ZNF875: variants seen among roughly 807,000 people sequenced by gnomAD.
ZNF875 encodes the protein zinc finger protein 875.
A neutral mutation model predicts 11.2 loss-of-function variants in ZNF875; 14 were observed. The ratio of observed to expected loss-of-function variants is 1.26; its 90% CI spans 0.83 to 1.96. The LOEUF (loss-of-function observed/expected upper bound fraction) is 1.96. Among genes scored for constraint, ZNF875 ranks in the 30% most tolerant of loss-of-function variants. The pLI is 0.00. For synonymous variants in ZNF875, 301 were observed against 281.1 expected (o/e 1.07, Z -0.71); for missense variants, 752 against 760.4 (o/e 0.99, Z 0.13).
chr19:37,335,184 CTT>C lies in ZNF875; in HGVS notation c.-39_-38del. On this transcript the variant is annotated 5_prime_UTR_variant, in exon 2 of 5. Coordinates refer to ENST00000392153, the MANE Select transcript of ZNF875 (RefSeq NM_001353803.2). ...ACATCCCCAGATCTGTCTTCTGAGA[CTT>C]TGCCCTTCTCCAGGAAGAGCACTCA... 1 of 702,270 alleles carries C rather than the reference CTT, an allele frequency of 1.4e-6. No homozygotes were observed. The highest frequency in any genetic ancestry group is 2.6e-6 in the Non-Finnish European group (1 of 384,530). The allele number at this position is 702,270 out of a possible 1,614,324, so 43.5% of individuals were successfully genotyped here.
upstream of ZNF875, among the ~76,000 whole-genome samples, chr19:37,331,679 A>C (rs1236168331): frequency 6.7e-6 from 1 of 148,388 alleles, no homozygotes. Context: ...GGGACACAAA[A>C]ACTGCAGAAG....
At position 37,324,267 on chromosome 19, in the gene ZNF875, T is replaced by G; in HGVS notation, c.-603+2T>G. 1 of 152,224 alleles carries G rather than the reference T, an allele frequency of 6.6e-6. No individual in the cohort carries two copies. The highest frequency in any genetic ancestry group is 1.5e-5 in the Non-Finnish European group (1 of 68,050). 9.4% of individuals were successfully genotyped at this position (152,224 alleles called of 1,614,324 possible). Reference sequence around the variant, plus strand: ...TGAAGACCAGAGGAAACACAGCAAGTAGGCCCTTTAAACCACTCACCTGTG... The same window carrying G: ...TGAAGACCAGAGGAAACACAGCAAGGAGGCCCTTTAAACCACTCACCTGTG... On this transcript the variant is annotated splice_donor_variant, in intron 4 of 5. Transcript: ENST00000544914. LOFTEE classifies it low-confidence loss of function (5UTR_SPLICE).
In ZNF875 at chr19:37,362,635, C is replaced by T. The variant is rs1208079824; in HGVS notation, c.783C>T (p.Asp261=). 1 of 1,613,116 alleles carries T rather than the reference C, an allele frequency of 6.2e-7. No individual in the cohort carries two copies. Among genetic ancestry groups the T allele is most frequent in the East Asian group, 2.2e-5 (1 of 44,872 alleles). The stretch of plus-strand genomic sequence containing the variant: ...CTTACATGTACACTGAGTGGGGAGA[C>T]AGCTTTGGCAGTATGTCAGTCCTCA... ...ETPYMYTEWG[D]SFGSMSVLIK... Residue 261 remains aspartate (D), a synonymous_variant, in exon 5 of 5, where the codon GAC becomes GAT. Coordinates refer to ENST00000392153, the MANE Select transcript of ZNF875 (RefSeq NM_001353803.2).
intron 4 of ZNF875, chr19:37,361,872 G>A (rs1006106858): frequency 2.0e-5 from 9 of 458,314 alleles, no homozygotes; most frequent in South Asian, 1.7e-4. Context: ...AGCTGAGATC[G>A]CACCACTGCA....
At chr19:37,319,996 C>T (rs895066816) in intron 1 of ZNF875, among the ~76,000 whole-genome samples, 24 of 152,198 alleles carry the variant, frequency 1.6e-4, no homozygotes, top group Non-Finnish European at 8.8e-5. Context: ...ACGCCATTCT[C>T]CTGCCTCAGC....
At chr19:37,327,331 T>C (rs1315197280) in intron 4 of ZNF875, among the ~76,000 whole-genome samples, 2 of 152,302 alleles carry the variant, frequency 1.3e-5, no homozygotes, top group African/African-American at 2.4e-5. Context: ...GAGCCCCTTA[T>C]GTTTCTACTT....
At chr19:37,361,109 C>CTTT (rs772368148) in intron 4 of ZNF875, among the ~76,000 whole-genome samples, 21 of 115,816 alleles carry the variant, frequency 1.8e-4, no homozygotes, top group South Asian at 2.9e-4. Context: ...TTGTCTTCTC[C>CTTT]TTTTTTTTTT....
chr19:37,343,639 A>G (rs2036213846), intron 2 of ZNF875, among the ~76,000 whole-genome samples: 1 of 152,064 alleles, frequency 6.6e-6, no homozygotes, highest in Non-Finnish European at 1.5e-5. Flanking sequence ...TGGTGGTCTC[A>G]AGGTTTCTTG....
In ZNF875 at chr19:37,362,161, T is replaced by G; in HGVS notation, c.309T>G (p.Ser103Arg). The G allele has an allele frequency of 6.2e-7, 1 of 1,614,098 alleles. No homozygotes were observed. Among genetic ancestry groups the G allele is most frequent in the Non-Finnish European group, 8.5e-7 (1 of 1,180,008 alleles). Reference sequence around the variant, plus strand: ...CCTCCTGCCCTCTGATTTTCTCCAGTCAGCAAGCTCTCAGCCAACATGTGT... The same window carrying G: ...CCTCCTGCCCTCTGATTTTCTCCAGGCAGCAAGCTCTCAGCCAACATGTGT... ...LSPSCPLIFS[S>R]QQALSQHVWL... Residue 103 changes from serine (S) to arginine (R), a missense_variant, in exon 5 of 5, where the codon AGT becomes AGG. Physicochemically the swap from Ser to Arg is moderately radical, Grantham distance 110 (BLOSUM62 -1). Transcript: ENST00000392153.
intron 4 of ZNF875, among the ~76,000 whole-genome samples, chr19:37,327,584 A>G (rs2032695567): frequency 2.0e-5 from 3 of 151,644 alleles, no homozygotes; most frequent in Middle Eastern, 6.8e-3. Context: ...CCTGGCCAAC[A>G]TGGCAAAACC....
At chr19:37,329,281 A>G (rs2033018072) in intron 4 of ZNF875, among the ~76,000 whole-genome samples, 1 of 152,064 alleles carries the variant, frequency 6.6e-6, no homozygotes, top group Non-Finnish European at 1.5e-5. Context: ...CAGCTTGGGT[A>G]TCTGGTGAAT....
rs970269763 is a variant in ZNF875 at position 37,364,430 on chromosome 19, C to G, written c.*655C>G. The G allele has an allele frequency of 2.6e-5, 4 of 152,572 alleles. No homozygotes were observed. The highest frequency in any genetic ancestry group is 2.6e-4 in the Admixed American group (4 of 15,290). The allele number at this position is 152,572 out of a possible 1,614,324, so 9.5% of individuals were successfully genotyped here. On this transcript the variant is annotated 3_prime_UTR_variant, in exon 5 of 5. Coordinates refer to ENST00000392153, the MANE Select transcript of ZNF875 (RefSeq NM_001353803.2). ...AGCTGTTCTTTTGCTCAATAAAATT[C>G]TTTTCTACCCATCCTCACCCTTCAA...
chr19:37,318,518 T>G (rs2030531020), intron 1 of ZNF875, among the ~76,000 whole-genome samples: 1 of 150,798 alleles, frequency 6.6e-6, no homozygotes, highest in Non-Finnish European at 1.5e-5. Context: ...AAATCATATT[T>G]GTTTTCTTTT....
intron 4 of ZNF875, 52 bp from the exon 5 acceptor site, chr19:37,362,057 T>C (rs771146877): frequency 8.0e-7 from 1 of 1,256,412 alleles, no homozygotes; most frequent in Non-Finnish European, 1.1e-6. Flanking sequence ...AAGGCAAAAT[T>C]GCCTACACAG....
rs2040115192 is a variant in ZNF875, at chr19:37,362,550, C to G, written c.698C>G (p.Pro233Arg). 3.1e-6 allele frequency: 5 copies of G among 1,614,070 alleles called. No homozygotes were observed. Among genetic ancestry groups the G allele is most frequent in the East Asian group, 2.2e-5 (1 of 44,888 alleles). ...FGEIKYEEFG[P>R]GFIKESNLLS... Reference sequence around the variant, plus strand: ...GAAATCAAATATGAAGAGTTTGGGCCAGGCTTTATCAAGGAGTCAAACCTC... The same window carrying G: ...GAAATCAAATATGAAGAGTTTGGGCGAGGCTTTATCAAGGAGTCAAACCTC... Residue 233 changes from proline to arginine, a missense_variant, in exon 5 of 5, where the codon CCA (proline) becomes CGA (arginine). Pro to Arg is a moderately radical substitution (Grantham distance 103). Transcript: ENST00000392153.
intron 4 of ZNF875, chr19:37,359,292 T>G (rs1168114456): frequency 6.1e-6 from 1 of 162,934 alleles, no homozygotes; most frequent in African/African-American, 2.4e-5. Flanking sequence ...AAAGTTCTCA[T>G]GTGCCCATTT....
At chr19:37,354,245 TCTCCCCTCCCCTCCCCTCCC>T (rs1185951446) in intron 4 of ZNF875, among the ~76,000 whole-genome samples, 5 of 22,030 alleles carry the variant, frequency 2.3e-4, no homozygotes, top group East Asian at 1.6e-3. Context: ...TCTCCCCTCC[TCTCCCCTCCCCTCCCCTCCC>T]CTCCCCTCCC....
chr19:37,334,652 T>A lies in ZNF875; in HGVS notation c.-187T>A. On this transcript the variant is annotated 5_prime_UTR_variant, in exon 1 of 5. Transcript: ENST00000392153. ...GTGTAGCGTTGACGTCAGAAACACT[T>A]CCGGTCGGTGGCCCAGGCGCGTTAA... 1 of 455,952 alleles carries A rather than the reference T, an allele frequency of 2.2e-6. No individual in the cohort carries two copies. Among genetic ancestry groups the A allele is most frequent in the Non-Finnish European group, 4.4e-6 (1 of 226,748 alleles). 28.2% of individuals were successfully genotyped at this position (455,952 alleles called of 1,614,324 possible).
chr19:37,318,943 T>C (rs2030690985), intron 1 of ZNF875, among the ~76,000 whole-genome samples: 1 of 152,180 alleles, frequency 6.6e-6, no homozygotes, highest in Non-Finnish European at 1.5e-5. Flanking sequence ...CCCAATGTCT[T>C]TGAAATCTAA....
Sources: allele counts gnomAD v4.1 joint callset (sites outside exome capture counted in the v4.1 genomes callset), GRCh38; gene constraint gnomAD v4.1.1; transcripts MANE v1.5; gene names NCBI Gene and HGNC (gene_info 2026-07-23, HGNC 2026-07-21).